Variants in ZNF618 observed in about 807,000 individuals in gnomAD.
ZNF618 encodes the protein neural precursor cell expressed, developmentally down-regulated 10.
ZNF618 carries 34 observed loss-of-function variants against 103.0 expected under a neutral mutation model. The ratio of observed to expected loss-of-function variants is 0.33; its 90% CI spans 0.25 to 0.44. The LOEUF (loss-of-function observed/expected upper bound fraction) is 0.44, where lower values mean the gene tolerates loss of function less well. Ranked by LOEUF, ZNF618 falls within the 20% of genes least tolerant of loss-of-function variation. ZNF618 has a pLI of 1.00. For synonymous variants in ZNF618, 551 were observed against 542.2 expected (o/e 1.02, Z -0.23); for missense variants, 1,059 against 1,295.4 (o/e 0.82, Z 2.80).
rs1367536595 is a variant in ZNF618 at position 114,050,524 on chromosome 9, A to G, written c.*357A>G. On this transcript the variant is annotated 3_prime_UTR_variant, in exon 15 of 15. Transcript: ENST00000374126. ...CTGTGCTTGGACGGGTGTGCATTGAACTGGGCGTGTCAGGAAAGCTGAGCG... is the reference window on the plus strand; with the variant it reads ...CTGTGCTTGGACGGGTGTGCATTGAGCTGGGCGTGTCAGGAAAGCTGAGCG... The G allele has an allele frequency of 5.0e-5, 9 of 178,932 alleles. No individual in the cohort carries two copies. Among genetic ancestry groups the G allele is most frequent in the African/African-American group, 1.9e-4 (8 of 42,414 alleles). The allele number at this position is 178,932 out of a possible 1,614,324, so 11.1% of individuals were successfully genotyped here. A position where few individuals can be genotyped will look rare whatever the true frequency, so the allele number is the denominator to read the frequency against.
intron 6 of ZNF618, among the ~76,000 whole-genome samples, chr9:114,006,533 G>A (rs905389127): frequency 1.3e-5 from 2 of 152,186 alleles, no homozygotes; most frequent in African/African-American, 4.8e-5. Context: ...CAGATGTTGG[G>A]TAGACCCAGG....
At chr9:113,876,556 G>A (rs916574888) in intron 1 of ZNF618, 143 bp downstream of exon 1, 35 of 664,654 alleles carry the variant, frequency 5.3e-5, no homozygotes, top group Non-Finnish European at 6.8e-5. Context: ...GCAATCGGGA[G>A]GGTCGGGGTC....
chr9:113,983,234 T>C (rs1242734930), intron 2 of ZNF618, among the ~76,000 whole-genome samples: 1 of 151,938 alleles, frequency 6.6e-6, no homozygotes, highest in African/African-American at 2.4e-5. Flanking sequence ...AAATGATATA[T>C]GAAAAAAAAA....
At chr9:113,925,093 G>C (rs1832969139) in intron 1 of ZNF618, among the ~76,000 whole-genome samples, 1 of 151,946 alleles carries the variant, frequency 6.6e-6, no homozygotes. Flanking sequence ...CTACTTGCTG[G>C]ATCTGTCAGT....
chr9:113,985,319 T>G (rs953495479), intron 2 of ZNF618, among the ~76,000 whole-genome samples: 1 of 152,220 alleles, frequency 6.6e-6, no homozygotes, highest in African/African-American at 2.4e-5. Flanking sequence ...GCTCCAGTGC[T>G]TCTCTTGACG....
intron 3 of ZNF618, among the ~76,000 whole-genome samples, chr9:113,996,058 C>T (rs1220702844): frequency 6.6e-6 from 1 of 152,156 alleles, no homozygotes; most frequent in Non-Finnish European, 1.5e-5. Context: ...CTTGGGCAGC[C>T]ACCACACACC....
intron 9 of ZNF618, among the ~76,000 whole-genome samples, chr9:114,012,005 A>G (rs981443795): frequency 6.6e-6 from 1 of 152,002 alleles, no homozygotes; most frequent in African/African-American, 2.4e-5. Flanking sequence ...TGAATAAGGA[A>G]GAGTCACTTG....
chr9:114,021,015 T>C (rs916957689), intron 10 of ZNF618, among the ~76,000 whole-genome samples: 3 of 152,126 alleles, frequency 2.0e-5, no homozygotes, highest in Non-Finnish European at 4.4e-5. Context: ...TGCATGTTTT[T>C]TTCCTCCATC....
At chr9:113,988,871 T>C (rs559352366) in intron 3 of ZNF618, among the ~76,000 whole-genome samples, 12 of 152,340 alleles carry the variant, frequency 7.9e-5, no homozygotes, top group Non-Finnish European at 1.5e-4. Flanking sequence ...AATCCCTTTG[T>C]CTGTCTCAGG....
chr9:113,979,185 G>A (rs1465479039), intron 2 of ZNF618, among the ~76,000 whole-genome samples: 1 of 152,224 alleles, frequency 6.6e-6, no homozygotes, highest in African/African-American at 2.4e-5. Flanking sequence ...GAGCCTGTTA[G>A]AAGCAAAGAG....
intron 2 of ZNF618, 110 bp downstream of exon 2, chr9:113,969,270 A>G (rs1338729267): frequency 1.5e-6 from 2 of 1,347,928 alleles, no homozygotes; most frequent in East Asian, 4.6e-5. Context: ...TGGGTGGTCC[A>G]GGCCAGCCCT....
At chr9:114,026,807 C>T (rs1409118185) in intron 10 of ZNF618, among the ~76,000 whole-genome samples, 1 of 152,078 alleles carries the variant, frequency 6.6e-6, no homozygotes. Flanking sequence ...TCTTGGATTC[C>T]CATAAAGTCC....
At chr9:113,950,587 T>C (rs1835471123) in intron 1 of ZNF618, among the ~76,000 whole-genome samples, 1 of 152,320 alleles carries the variant, frequency 6.6e-6, no homozygotes, top group African/African-American at 2.4e-5. Flanking sequence ...GCCACCTGCC[T>C]ATACTCAGCA....
Position 114,002,211 on chromosome 9 carries a change from G to A in ZNF618, c.511+138G>A, listed in dbSNP as rs552648180. On this transcript the variant is annotated intron_variant, in intron 5 of 14. Coordinates refer to ENST00000374126, the MANE Select transcript of ZNF618 (RefSeq NM_001318042.2). ...TCCCATTCTCCTCCTACTTTCATCA[G>A]TAGGACAGGGTGCCAGGCAGGAGAA... 2.7e-5 allele frequency: 21 copies of A among 782,720 alleles called. No homozygotes were observed. The Admixed American group carries it at 4.1e-4, about 15-fold the overall frequency. The allele number at this position is 782,720 out of a possible 1,614,324, so 48.5% of individuals were successfully genotyped here.
At position 113,903,892 on chromosome 9, in the gene ZNF618, A is replaced by T. The variant is rs567655411; in HGVS notation, c.33+27479A>T. Reference sequence around the variant, plus strand: ...TCTCTCATTTTAAGCAGTTTGATTAATGATGTGTCTGTTTCTTCTGCTTGG... The same window carrying T: ...TCTCTCATTTTAAGCAGTTTGATTATTGATGTGTCTGTTTCTTCTGCTTGG... On this transcript the variant is annotated intron_variant, in intron 1 of 14. Transcript: ENST00000374126. Among the ~76,000 whole-genome samples, 4 of 151,908 alleles carry T rather than the reference A, an allele frequency of 2.6e-5. No homozygotes were observed. In the South Asian group the frequency reaches 8.3e-4, roughly 32 times the overall value.
At chr9:113,910,180 C>A (rs1213975166) in intron 1 of ZNF618, among the ~76,000 whole-genome samples, 1 of 152,108 alleles carries the variant, frequency 6.6e-6, no homozygotes, top group Non-Finnish European at 1.5e-5. Context: ...TTCCACCTCC[C>A]CACTTTGCTC....
chr9:113,943,978 C>T (rs1326897520), intron 1 of ZNF618, among the ~76,000 whole-genome samples: 1 of 152,192 alleles, frequency 6.6e-6, no homozygotes, highest in Non-Finnish European at 1.5e-5. Context: ...GTTTTAATGC[C>T]TTTTCCTTCC....
intron 2 of ZNF618, among the ~76,000 whole-genome samples, chr9:113,987,778 G>A (rs1839626245): frequency 6.6e-6 from 1 of 152,196 alleles, no homozygotes; most frequent in South Asian, 2.1e-4. Flanking sequence ...AGGGTCGCTT[G>A]AGCCCAGGAG....
chr9:114,025,418 T>C (rs771965114), intron 10 of ZNF618, among the ~76,000 whole-genome samples: 7 of 152,258 alleles, frequency 4.6e-5, no homozygotes, highest in Non-Finnish European at 1.0e-4. Flanking sequence ...TCCAGTTAAA[T>C]TTTCAGCTTT....
Sources: gnomAD v4.1 joint callset for allele counts (sites outside exome capture counted in the v4.1 genomes callset) on GRCh38, gnomAD v4.1.1 for gene constraint, MANE v1.5 for transcripts, NCBI Gene and HGNC (gene_info 2026-07-23, HGNC 2026-07-21) for gene names.